Variants in RANBP2 observed in about 807,000 individuals in gnomAD.
RANBP2 encodes the protein E3 SUMO-protein ligase RanBP2.
RANBP2 carries 57 observed loss-of-function variants against 303.6 expected under a neutral mutation model. That is an observed-to-expected ratio of 0.19 (90% confidence interval 0.15 to 0.23). RANBP2 has a LOEUF of 0.23. RANBP2 is among the 10% of genes least tolerant of loss of function. The probability of loss-of-function intolerance (pLI) is 1.00; values close to 1 mark genes in which losing one functional copy is unlikely to be tolerated. For synonymous variants in RANBP2, 1,167 were observed against 1,301.5 expected, an observed-to-expected ratio of 0.90 and a Z score of 2.23; for missense variants, 3,138 against 3,780.8, an observed-to-expected ratio of 0.83 and a Z score of 4.46.
Position 108,764,249 on chromosome 2 carries a change from A to G in RANBP2, c.3710A>G (p.Glu1237Gly). The G allele has an allele frequency of 6.2e-7, 1 of 1,614,058 alleles. No individual in the cohort carries two copies. The highest frequency in any genetic ancestry group is 8.5e-7 in the Non-Finnish European group (1 of 1,179,992). ...AAAATTCGCCTTCTAATGAGACGAGAGCAAGTATTGAAAATCTGTGCAAAT... is the reference window on the plus strand; with the variant it reads ...AAAATTCGCCTTCTAATGAGACGAGGGCAAGTATTGAAAATCTGTGCAAAT... ...SGKIRLLMRR[E>G]QVLKICANHY... Residue 1237 changes from glutamate (E) to glycine (G), a missense_variant, in exon 20 of 29, where the codon GAG (glutamate) becomes GGG (glycine). Physicochemically the swap from Glu to Gly is moderately conservative, Grantham distance 98. Coordinates refer to ENST00000283195, the MANE Select transcript of RANBP2 (RefSeq NM_006267.5).
At chr2:109,540,020 T>C in the RANBP2 span, among the ~76,000 whole-genome samples, 3 of 151,966 alleles carry the variant, frequency 2.0e-5, no homozygotes, top group Admixed American at 1.3e-4. Context: ...TGTGTCTTCA[T>C]TCCTCTTGAG....
At chr2:109,669,111 A>G in the RANBP2 span, among the ~76,000 whole-genome samples, 6 of 152,178 alleles carry the variant, frequency 3.9e-5, no homozygotes, top group Non-Finnish European at 7.3e-5. Flanking sequence ...AATACATACA[A>G]TGGGGAAACG....
chr2:108,729,236 A>C, intron 2 of RANBP2, 37 bp downstream of exon 2: 2 of 1,543,798 alleles, frequency 1.3e-6, no homozygotes, highest in Non-Finnish European at 1.7e-6. Context: ...TTTTTTTAAA[A>C]TCAATGCCTT....
At chr2:109,338,418 G>T in the RANBP2 span, among the ~76,000 whole-genome samples, 3 of 151,862 alleles carry the variant, frequency 2.0e-5, no homozygotes, top group Non-Finnish European at 4.4e-5. Flanking sequence ...ATTTGAGCCA[G>T]ATTCTTAGGG....
chr2:109,246,156 G>C, the RANBP2 span, among the ~76,000 whole-genome samples: 1 of 152,338 alleles, frequency 6.6e-6, no homozygotes, highest in Admixed American at 6.5e-5. Flanking sequence ...GTGGTTGTGA[G>C]GTTGACAGAG....
At chr2:109,257,473 A>G in the RANBP2 span, among the ~76,000 whole-genome samples, 5 of 152,040 alleles carry the variant, frequency 3.3e-5, no homozygotes, top group African/African-American at 9.7e-5. Flanking sequence ...CTTTCTTGTA[A>G]ATAGCAGCTG....
the RANBP2 span, among the ~76,000 whole-genome samples, chr2:109,336,060 C>G: frequency 5.3e-5 from 8 of 152,178 alleles, no homozygotes; most frequent in African/African-American, 1.9e-4. Context: ...AGAAGGCATT[C>G]CTCTCCCTAC....
At chr2:108,791,425 C>T in the RANBP2 span, 2 of 465,546 alleles carry the variant, frequency 4.3e-6, no homozygotes, top group African/African-American at 4.1e-5. Flanking sequence ...TAGAATATAC[C>T]ACAGGTAGGT....
chr2:109,040,582 C>T, the RANBP2 span, among the ~76,000 whole-genome samples: 13 of 152,210 alleles, frequency 8.5e-5, no homozygotes, highest in African/African-American at 2.6e-4. Flanking sequence ...TTAAAATTTC[C>T]AATCCACAGA....
At chr2:109,068,286 G>A in the RANBP2 span, among the ~76,000 whole-genome samples, 1 of 152,322 alleles carries the variant, frequency 6.6e-6, no homozygotes, top group East Asian at 1.9e-4. Flanking sequence ...TCCTAACTGG[G>A]GGTGGGGTGT....
the RANBP2 span, among the ~76,000 whole-genome samples, chr2:108,869,582 A>C: frequency 6.6e-6 from 1 of 152,182 alleles, no homozygotes; most frequent in Non-Finnish European, 1.5e-5. Flanking sequence ...GTGTAGGAGG[A>C]AGAGGTTATG....
At chr2:109,055,527 ATTTTCTTTTCTTTTC>A in the RANBP2 span, among the ~76,000 whole-genome samples, 5 of 151,108 alleles carry the variant, frequency 3.3e-5, no homozygotes, top group African/African-American at 7.3e-5. Context: ...TGTCCGGCTA[ATTTTCTTTTCTTTTC>A]TTTTCTTTTC....
the RANBP2 span, among the ~76,000 whole-genome samples, chr2:108,823,750 G>C: frequency 3.9e-5 from 6 of 152,316 alleles, no homozygotes; most frequent in East Asian, 1.2e-3. Context: ...GGAGGCCAAG[G>C]CAGGCGATTA....
chr2:109,639,011 C>T, the RANBP2 span, among the ~76,000 whole-genome samples: 1 of 152,154 alleles, frequency 6.6e-6, no homozygotes, highest in Non-Finnish European at 1.5e-5. Flanking sequence ...GTCGCCTGGA[C>T]TTTCTACACA....
At chr2:108,724,789 C>T (rs1223144467) in intron 1 of RANBP2, among the ~76,000 whole-genome samples, 2 of 151,808 alleles carry the variant, frequency 1.3e-5, no homozygotes, top group Non-Finnish European at 2.9e-5. Flanking sequence ...AGTATCTAGA[C>T]TTTTCCTCAT....
At chr2:109,714,029 C>A in the RANBP2 span, among the ~76,000 whole-genome samples, 8 of 152,240 alleles carry the variant, frequency 5.3e-5, no homozygotes, top group Non-Finnish European at 1.0e-4. Context: ...ACTGCCCCCA[C>A]TTCAGACGCC....
chr2:109,118,069 C>A, the RANBP2 span, among the ~76,000 whole-genome samples: 1 of 152,176 alleles, frequency 6.6e-6, no homozygotes, highest in Admixed American at 6.5e-5. Context: ...GAAGATCAGC[C>A]AGCACTGACT....
the RANBP2 span, among the ~76,000 whole-genome samples, chr2:109,393,718 G>C: frequency 6.6e-6 from 1 of 151,926 alleles, no homozygotes; most frequent in Admixed American, 6.6e-5. Flanking sequence ...TCAGTGCTGA[G>C]GTTGCTCTTC....
the RANBP2 span, among the ~76,000 whole-genome samples, chr2:109,462,475 A>G: frequency 1.3e-5 from 2 of 152,152 alleles, no homozygotes; most frequent in East Asian, 1.9e-4. Flanking sequence ...GTCATTCTCC[A>G]TGATCCATCT....
Sources: allele counts gnomAD v4.1 joint callset (sites outside exome capture counted in the v4.1 genomes callset), GRCh38; gene constraint gnomAD v4.1.1; transcripts MANE v1.5; gene names NCBI Gene and HGNC (gene_info 2026-07-23, HGNC 2026-07-21).